Variants in LIG3 observed in about 807,000 individuals in gnomAD.
LIG3 encodes the protein DNA ligase 3.
In LIG3, 58 loss-of-function variants were observed where a neutral mutation model predicts 110.9. The ratio of observed to expected loss-of-function variants is 0.52; its 90% CI spans 0.42 to 0.65. The LOEUF (loss-of-function observed/expected upper bound fraction) is 0.65, where lower values mean the gene tolerates loss of function less well. Ranked by LOEUF, LIG3 falls within the 30% of genes least tolerant of loss-of-function variation. The pLI is 0.00. For missense variants in LIG3, 1,094 were observed against 1,273.8 expected (o/e 0.86, Z 2.15); for synonymous variants, 422 against 472.8 (o/e 0.89, Z 1.39).
At chr17:34,983,997 G>A (rs1055985887) in intron 2 of LIG3, among the ~76,000 whole-genome samples, 2 of 152,156 alleles carry the variant, frequency 1.3e-5, no homozygotes, top group South Asian at 4.1e-4. Flanking sequence ...AACCATTTGA[G>A]AATAAGTTGC....
At position 34,983,399 on chromosome 17, in the gene LIG3, G is replaced by A; in HGVS notation, c.394G>A (p.Gly132Ser). Residue 132 changes from glycine to serine, a missense_variant, in exon 2 of 20, where the codon GGT becomes AGT. Physicochemically the swap from Gly to Ser is moderately conservative, Grantham distance 56. Transcript: ENST00000378526. ...VVPNPFSESG[G>S]DMKEWYHIKC... ...GCCCAATCCCTTCTCAGAGTCTGGG[G>A]GTGATATGAAAGAGTGGTACCACAT... The A allele has an allele frequency of 6.2e-7, 1 of 1,614,186 alleles. No homozygotes were observed. Among genetic ancestry groups the A allele is most frequent in the Non-Finnish European group, 8.5e-7 (1 of 1,180,056 alleles).
intron 7 of LIG3, 121 bp downstream of exon 7, chr17:34,992,156 C>G: frequency 2.4e-6 from 2 of 822,986 alleles, no homozygotes; most frequent in South Asian, 3.0e-5. Flanking sequence ...TTCTTACTTT[C>G]TGTGAGACCC....
At chr17:34,982,851 T>G (rs570800395) in intron 1 of LIG3, among the ~76,000 whole-genome samples, 151 bp from the exon 2 acceptor site, 2 of 152,314 alleles carry the variant, frequency 1.3e-5, no homozygotes, top group African/African-American at 4.8e-5. Flanking sequence ...AACTCTTTCA[T>G]GCTGTAGAGT....
chr17:35,005,609 C>G lies in LIG3; in HGVS notation c.*1103C>G. 1.7e-6 allele frequency: 1 copy of G among 578,932 alleles called. No individual in the cohort carries two copies. The allele number at this position is 578,932 out of a possible 1,614,324, so 35.9% of individuals were successfully genotyped here. ...TTAGGTTTCATAATGCTGGACCAGT[C>G]GAATGCACCAAATATCCCAAAACTC... On this transcript the variant is annotated 3_prime_UTR_variant, in exon 20 of 20. Transcript: ENST00000378526.
chr17:34,994,455 A>T (rs1338127833), intron 9 of LIG3, 24 bp downstream of exon 9: 2 of 1,607,696 alleles, frequency 1.2e-6, no homozygotes, highest in South Asian at 2.2e-5. Flanking sequence ...CCTTTCTGCC[A>T]GGACCGTCTT....
At chr17:34,996,508 G>C in intron 10 of LIG3, 66 bp from the exon 11 acceptor site, 1 of 1,279,604 alleles carries the variant, frequency 7.8e-7, no homozygotes, top group Non-Finnish European at 1.1e-6. Flanking sequence ...AAGTGGACTG[G>C]TACTCCTTAT....
At chr17:34,997,642 A>G (rs2090792642) in intron 11 of LIG3, 96 bp from the exon 12 acceptor site, 3 of 874,494 alleles carry the variant, frequency 3.4e-6, no homozygotes, top group Non-Finnish European at 5.9e-6. Context: ...CCCTTTCTTG[A>G]AGTAGCAGTT....
chr17:35,004,129 G>A, intron 19 of LIG3, 144 bp from the exon 20 acceptor site: 2 of 629,792 alleles, frequency 3.2e-6, no homozygotes, highest in South Asian at 1.9e-5. Context: ...GAGGGGTGGG[G>A]GTATTGATGC....
chr17:34,990,646 T>G (rs1313774995), intron 4 of LIG3, among the ~76,000 whole-genome samples: 1 of 152,178 alleles, frequency 6.6e-6, no homozygotes, highest in African/African-American at 2.4e-5. Context: ...TCGCCCAGGC[T>G]GGAGTACAGT....
chr17:34,995,376 G>A (rs746599462), intron 9 of LIG3, among the ~76,000 whole-genome samples: 36 of 152,188 alleles, frequency 2.4e-4, no homozygotes, highest in Admixed American at 9.2e-4. Context: ...GTGTTAAATA[G>A]ACACCATCTG....
rs2090880628 is a variant in LIG3, at chr17:35,004,585, G to A, written c.*79G>A. 8.2e-7 allele frequency: 1 copy of A among 1,214,038 alleles called. No individual in the cohort carries two copies. The highest frequency in any genetic ancestry group is 1.8e-5 in the Admixed American group (1 of 55,834). 75.2% of individuals were successfully genotyped at this position (1,214,038 alleles called of 1,614,324 possible). A position where few individuals can be genotyped will look rare whatever the true frequency, so the allele number is the denominator to read the frequency against. On this transcript the variant is annotated 3_prime_UTR_variant, in exon 20 of 20. Coordinates refer to ENST00000378526, the MANE Select transcript of LIG3 (RefSeq NM_013975.4). Reference sequence around the variant, plus strand: ...ACTGGACTCAGGCTGGAGGCAGATAGACACAGTATAGGGGGAATGGGCTTG... The same window carrying A: ...ACTGGACTCAGGCTGGAGGCAGATAAACACAGTATAGGGGGAATGGGCTTG...
rs751402269 is a variant in LIG3, at chr17:34,980,553, C to G, written c.-74C>G. 4 of 1,287,452 alleles carry G rather than the reference C, an allele frequency of 3.1e-6. No individual in the cohort carries two copies. Among genetic ancestry groups the G allele is most frequent in the East Asian group, 5.6e-5 (1 of 17,792 alleles). 79.8% of individuals were successfully genotyped at this position (1,287,452 alleles called of 1,614,324 possible). A position where few individuals can be genotyped will look rare whatever the true frequency, so the allele number is the denominator to read the frequency against. ...TTAAAGAGACAGGCGCTCCAACCGT[C>G]GTGGGCTGCCCGCGGCCTGTAATGA... is the stretch of plus-strand genomic sequence containing the variant. On this transcript the variant is annotated 5_prime_UTR_variant, in exon 1 of 20. Coordinates refer to ENST00000378526, the MANE Select transcript of LIG3 (RefSeq NM_013975.4).
chr17:35,005,943 A>T lies in LIG3; in HGVS notation c.*1437A>T. 7.7e-6 allele frequency: 2 copies of T among 258,414 alleles called. No homozygotes were observed. The highest frequency in any genetic ancestry group is 1.5e-5 in the Non-Finnish European group (2 of 130,144). The allele number at this position is 258,414 out of a possible 1,614,324, so 16.0% of individuals were successfully genotyped here. A position where few individuals can be genotyped will look rare whatever the true frequency, so the allele number is the denominator to read the frequency against. The stretch of plus-strand genomic sequence containing the variant: ...ATCAGAGAGACAAGTTTATCACAGT[A>T]TTTTTTTTTTTCCTGCTGACCTATT... On this transcript the variant is annotated 3_prime_UTR_variant, in exon 20 of 20. Coordinates refer to ENST00000378526, the MANE Select transcript of LIG3 (RefSeq NM_013975.4).
rs1036184807 is a variant in LIG3 at position 35,009,483 on chromosome 17, G to A, written c.*4977G>A. 1 of 151,112 alleles carries A rather than the reference G, an allele frequency of 6.6e-6. No homozygotes were observed. The highest frequency in any genetic ancestry group is 1.5e-5 in the Non-Finnish European group (1 of 67,914). The allele number at this position is 151,112 out of a possible 1,614,324, so 9.4% of individuals were successfully genotyped here. A position where few individuals can be genotyped will look rare whatever the true frequency, so the allele number is the denominator to read the frequency against. ...AGGATCCATGAGGGGCAGAAGGGAG[G>A]ATTCAAAGATTTAAAAAAAATCAAA... On this transcript the variant is annotated 3_prime_UTR_variant, in exon 20 of 20. Transcript: ENST00000378526.
In LIG3 at chr17:34,993,114, A is replaced by G. The variant is rs552807269; in HGVS notation, c.1455+422A>G. ...AGATCTGAGAGTTGGTAGCAGAGCC[A>G]GGCTTCCTGTGACAGGGTGACTTGG... On this transcript the variant is annotated intron_variant, in intron 8 of 19. Transcript: ENST00000378526. 8.5e-5 allele frequency among the ~76,000 whole-genome samples: 13 copies of G among 152,322 alleles called. 1 individual carries two copies. Among genetic ancestry groups the G allele is most frequent in the African/African-American group, 3.1e-4 (13 of 41,574 alleles).
In LIG3 at chr17:34,997,754, C is replaced by T. The variant is rs770579198; in HGVS notation, c.1840C>T (p.Arg614Trp). 1.2e-6 allele frequency: 2 copies of T among 1,613,928 alleles called. No homozygotes were observed. Among genetic ancestry groups the T allele is most frequent in the Non-Finnish European group, 1.7e-6 (2 of 1,179,828 alleles). The change falls in exon 12 of 20, where the codon CGG (arginine) becomes TGG (tryptophan). Residue 614 changes from arginine to tryptophan, a missense_variant. Arg to Trp is a moderately radical substitution (Grantham distance 101). Coordinates refer to ENST00000378526, the MANE Select transcript of LIG3 (RefSeq NM_013975.4). ...TCTCCTCAGACCTCTGTGTGAGCGG[C>T]GGAAGTTTCTTCATGACAACATGGT... ...SLMDRPLCER[R>W]KFLHDNMVEI...
intron 7 of LIG3, 148 bp downstream of exon 7, chr17:34,992,183 C>G (rs1356735759): frequency 1.4e-6 from 1 of 711,448 alleles, no homozygotes; most frequent in African/African-American, 1.8e-5. Flanking sequence ...GTCACTTGAC[C>G]TGTCTCTGCC....
chr17:34,980,694 A>G, intron 1 of LIG3, 72 bp downstream of exon 1: 1 of 897,990 alleles, frequency 1.1e-6, no homozygotes, highest in Non-Finnish European at 1.3e-6. Context: ...CGGGGCGAGG[A>G]GCTCGGCGCG....
chr17:34,994,885 A>T (rs2090762027), intron 9 of LIG3, among the ~76,000 whole-genome samples: 1 of 152,192 alleles, frequency 6.6e-6, no homozygotes, highest in South Asian at 2.1e-4. Flanking sequence ...AGTGGAAAAA[A>T]TGGACAAAAG....
Sources: allele counts gnomAD v4.1 joint callset (sites outside exome capture counted in the v4.1 genomes callset), GRCh38; gene constraint gnomAD v4.1.1; transcripts MANE v1.5; gene names NCBI Gene and HGNC (gene_info 2026-07-23, HGNC 2026-07-21).